The following KLK15 variants were observed in gnomAD, a reference collection of about 807,000 sequenced individuals.
KLK15 encodes the protein kallikrein-15.
KLK15 carries 19 observed loss-of-function variants against 21.1 expected under a neutral mutation model. The ratio of observed to expected loss-of-function variants is 0.90; its 90% CI spans 0.63 to 1.32. The LOEUF (loss-of-function observed/expected upper bound fraction) is 1.32, where lower values mean the gene tolerates loss of function less well. Ranked by LOEUF, KLK15 falls within the 40% of genes most tolerant of loss-of-function variation. KLK15 has a pLI of 0.00. For missense variants in KLK15, 345 were observed against 348.6 expected, an observed-to-expected ratio of 0.99 and a Z score of 0.08; for synonymous variants, 141 against 141.5, an observed-to-expected ratio of 1.00 and a Z score of 0.03.
chr19:50,826,679 C>T lies in KLK15; in HGVS notation c.560G>A (p.Arg187His), dbSNP rs146351235. 204 of 1,613,690 alleles carry T rather than the reference C, an allele frequency of 1.3e-4. 1 individual carries two copies. In the South Asian group the frequency reaches 1.8e-3, roughly 14 times the overall value. ...TGCACACACCATGGTGTTTGTCAGGCGCCCTGGGTAGCTCTTGTCACAAGA... is the reference window on the plus strand; with the variant it reads ...TGCACACACCATGGTGTTTGTCAGGTGCCCTGGGTAGCTCTTGTCACAAGA... Residue 187 changes from arginine to histidine, a missense_variant, in exon 4 of 5, where the codon CGC becomes CAC. Coordinates refer to ENST00000598239, the Ensembl canonical transcript of KLK15.
chr19:50,827,251 C>T, intron 2 of KLK15, 90 bp from the exon 4 acceptor site: 1 of 1,216,592 alleles, frequency 8.2e-7, no homozygotes, highest in Non-Finnish European at 1.1e-6. Context: ...GTGGGCAACC[C>T]GAGGTCTCCC....
At position 50,827,756 on chromosome 19, in the gene KLK15, A is replaced by G. The variant is rs761421801; in HGVS notation, c.103T>C (p.Trp35Arg). The change falls in exon 2 of 5, where the codon TGG becomes CGG. Residue 35 changes from tryptophan (W) to arginine (R), a missense_variant. Physicochemically the swap from Trp to Arg is moderately radical, Grantham distance 101. Transcript: ENST00000598239. ...CCACGCTCGTAGAGAGCCACTTGCC[A>G]TGGCTGGGAGTGGGGTGCACACTCG... 6.8e-6 allele frequency: 11 copies of G among 1,610,800 alleles called. No individual in the cohort carries two copies. The highest frequency in any genetic ancestry group is 6.7e-5 in the African/African-American group (5 of 74,836).
intron 2 of KLK15, 82 bp from the exon 4 acceptor site, chr19:50,827,243 G>T: frequency 1.4e-6 from 2 of 1,395,046 alleles, no homozygotes; most frequent in Non-Finnish European, 1.9e-6. Context: ...ATCAAAGAGT[G>T]GGCAACCCGA....
At chr19:50,826,816 C>A in intron 3 of KLK15, 59 bp from the exon 5 acceptor site, 1 of 1,577,594 alleles carries the variant, frequency 6.3e-7, no homozygotes, top group African/African-American at 1.3e-5. Context: ...TCCCCTCCGC[C>A]CAAGAGCCCT....
chr19:50,832,782 C>A (rs1033447724), upstream of KLK15, among the ~76,000 whole-genome samples: 12 of 152,180 alleles, frequency 7.9e-5, no homozygotes, highest in African/African-American at 2.9e-4. Context: ...TCCCTTCCAG[C>A]CCCGCTTCCT....
chr19:50,827,008 G>A (rs745411042), exon 3 of KLK15: 7 of 1,605,872 alleles, frequency 4.4e-6, no homozygotes, highest in Non-Finnish European at 4.2e-6. Context: ...GGGGGTTCAG[G>A]CGTGCGGGCT....
chr19:50,826,184 A>G, intron 4 of KLK15: 1 of 513,236 alleles, frequency 1.9e-6, no homozygotes, highest in Non-Finnish European at 3.4e-6. Context: ...TCTCACCCCC[A>G]TGCAACTCCA....
exon 1 of KLK15, chr19:50,831,474 G>C (rs2089984488): frequency 1.4e-6 from 2 of 1,450,670 alleles, no homozygotes; most frequent in Non-Finnish European, 1.8e-6. Flanking sequence ...AGGAAGGAGA[G>C]AGTGAGGAGA....
intron 4 of KLK15, chr19:50,826,204 T>C: frequency 2.0e-6 from 1 of 504,952 alleles, no homozygotes; most frequent in South Asian, 3.3e-5. Context: ...AGTGCAACTG[T>C]ACTAAGTTAA....
At chr19:50,826,652 C>G in exon 4 of KLK15, 1 of 1,610,828 alleles carries the variant, frequency 6.2e-7, no homozygotes, top group East Asian at 2.2e-5. Flanking sequence ...GCCCTCCGCG[C>G]CTGCACACAC....
rs1405156364 is a variant in KLK15, at chr19:50,827,168, G to T, written c.198-7C>A. ...CAGGCGCACTCTCATGAAGCTGTGC[G>T]GGCGAGTGGTTTTCCCGCCAGTGGA... On this transcript the variant is annotated splice_polypyrimidine_tract_variant and splice_region_variant and intron_variant, in intron 2 of 4. Coordinates refer to ENST00000598239, the Ensembl canonical transcript of KLK15. 2 of 1,564,284 alleles carry T rather than the reference G, an allele frequency of 1.3e-6. 1 individual carries two copies. Among genetic ancestry groups the T allele is most frequent in the Non-Finnish European group, 1.7e-6 (2 of 1,159,146 alleles).
exon 3 of KLK15, chr19:50,827,126 C>T (rs762905858): frequency 1.2e-6 from 2 of 1,600,102 alleles, no homozygotes; most frequent in East Asian, 4.5e-5. Context: ...ATCGCGCTTG[C>T]GCAGGTTGTG....
rs1269710880 is a variant in KLK15 at position 50,827,492 on chromosome 19, G to A, written c.197+170C>T. On this transcript the variant is annotated intron_variant, in intron 2 of 4. Coordinates refer to ENST00000598239, the Ensembl canonical transcript of KLK15. Reference sequence around the variant, plus strand: ...CTAGTCTTCTCCTTCCTCCTTCAGAGATCGAAGGCTTTGAAACACACACTC... The same window carrying A: ...CTAGTCTTCTCCTTCCTCCTTCAGAAATCGAAGGCTTTGAAACACACACTC... Among the ~76,000 whole-genome samples, 6 of 151,650 alleles carry A rather than the reference G, an allele frequency of 4.0e-5. No homozygotes were observed. In the East Asian group the frequency reaches 1.2e-3, roughly 29 times the overall value.
intron 1 of KLK15, among the ~76,000 whole-genome samples, chr19:50,830,200 G>A (rs2123419043): frequency 6.6e-6 from 1 of 151,150 alleles, no homozygotes; most frequent in African/African-American, 2.4e-5. Context: ...ATGGCATTAT[G>A]CTTAAGGACA....
chr19:50,826,047 C>G (rs2089873835), intron 4 of KLK15, 99 bp from the exon 6 acceptor site: 1 of 1,260,132 alleles, frequency 7.9e-7, no homozygotes, highest in Admixed American at 2.4e-5. Context: ...CAATCCATCC[C>G]CATCCCAGGG....
At chr19:50,830,592 G>A (rs1473858750) in intron 1 of KLK15, 1 of 164,524 alleles carries the variant, frequency 6.1e-6, no homozygotes, top group Non-Finnish European at 1.3e-5. Flanking sequence ...GAGAGCCGGA[G>A]GGGAGGCTGG....
chr19:50,828,932 G>GCAC (rs1250066653), intron 1 of KLK15, among the ~76,000 whole-genome samples: 1 of 127,668 alleles, frequency 7.8e-6, no homozygotes, highest in Non-Finnish European at 1.6e-5. Flanking sequence ...TTGCTCCATT[G>GCAC]CACTCCAGCC....
chr19:50,826,461 C>T lies in KLK15; in HGVS notation c.618+160G>A, dbSNP rs3212807. On this transcript the variant is annotated intron_variant, in intron 4 of 4. Transcript: ENST00000598239. ...ACGCAATCCCCACCTATAACCCCAA[C>T]TCCAACCTCACCCCTATTCTAACTT... The T allele has an allele frequency of 1.5e-5, 12 of 825,158 alleles. No individual in the cohort carries two copies. In the African/African-American group the frequency reaches 1.6e-4, roughly 11 times the overall value. The allele number at this position is 825,158 out of a possible 1,614,324, so 51.1% of individuals were successfully genotyped here.
chr19:50,832,377 G>C (rs1269679608), upstream of KLK15, among the ~76,000 whole-genome samples: 1 of 146,900 alleles, frequency 6.8e-6, no homozygotes, highest in Admixed American at 6.8e-5. Context: ...GGTTGGAGTG[G>C]AGTGGCGTGA....
Sources: gnomAD v4.1 joint callset for allele counts (sites outside exome capture counted in the v4.1 genomes callset) on GRCh38, gnomAD v4.1.1 for gene constraint, MANE v1.5 for transcripts, NCBI Gene and HGNC (gene_info 2026-07-23, HGNC 2026-07-21) for gene names.